Variants in SSBP2 observed in about 807,000 individuals in gnomAD.
The protein encoded by SSBP2 is single-stranded DNA-binding protein 2.
SSBP2 carries 17 observed loss-of-function variants against 61.8 expected under a neutral mutation model. The ratio of observed to expected loss-of-function variants is 0.28; its 90% CI spans 0.19 to 0.41. The LOEUF is 0.41. Among genes scored for constraint, SSBP2 ranks in the 10% least tolerant of loss-of-function variants. SSBP2 has a pLI of 1.00. For missense variants in SSBP2, 310 were observed against 458.7 expected (o/e 0.68, Z 2.96); for synonymous variants, 139 against 141.3 (o/e 0.98, Z 0.12).
chr5:81,513,217 A>C (rs1768751618), intron 5 of SSBP2, among the ~76,000 whole-genome samples: 1 of 152,104 alleles, frequency 6.6e-6, no homozygotes, highest in South Asian at 2.1e-4. Flanking sequence ...GTAATTCTTG[A>C]TAAATTAATA....
At chr5:81,693,818 C>T (rs1753394183) in intron 1 of SSBP2, among the ~76,000 whole-genome samples, 1 of 152,134 alleles carries the variant, frequency 6.6e-6, no homozygotes, top group Admixed American at 6.5e-5. Flanking sequence ...TCCAGCAATC[C>T]CATTGCTAGG....
chr5:81,574,195 T>C (rs1378391449), intron 4 of SSBP2, among the ~76,000 whole-genome samples: 2 of 151,624 alleles, frequency 1.3e-5, no homozygotes, highest in African/African-American at 4.8e-5. Flanking sequence ...ATATGACCAA[T>C]AAATTAAGCA....
chr5:81,580,103 G>A (rs1400703805), intron 4 of SSBP2, among the ~76,000 whole-genome samples: 1 of 152,062 alleles, frequency 6.6e-6, no homozygotes. Context: ...TTTCTGGTTT[G>A]AAAATGTGAA....
chr5:81,423,249 G>T (rs1404304321), intron 16 of SSBP2, among the ~76,000 whole-genome samples: 2 of 152,180 alleles, frequency 1.3e-5, no homozygotes, highest in Non-Finnish European at 2.9e-5. Context: ...ACTAGCCAGA[G>T]GTTGCTACTG....
chr5:81,713,357 T>A (rs1040601506), intron 1 of SSBP2, among the ~76,000 whole-genome samples: 1 of 151,666 alleles, frequency 6.6e-6, no homozygotes, highest in Non-Finnish European at 1.5e-5. Context: ...AGCAAAAGAC[T>A]TGGAGATTTA....
chr5:81,471,895 C>T (rs1216284724), intron 8 of SSBP2, among the ~76,000 whole-genome samples: 1 of 151,640 alleles, frequency 6.6e-6, no homozygotes, highest in Non-Finnish European at 1.5e-5. Flanking sequence ...TCAATATAGT[C>T]AATATACATA....
chr5:81,654,940 C>T (rs1431210313), intron 1 of SSBP2, among the ~76,000 whole-genome samples: 2 of 151,524 alleles, frequency 1.3e-5, no homozygotes, highest in East Asian at 3.9e-4. Context: ...AGTTTGAGAC[C>T]AGCCTGGGCA....
intron 5 of SSBP2, among the ~76,000 whole-genome samples, chr5:81,494,112 A>G (rs1767113281): frequency 6.6e-6 from 1 of 152,220 alleles, no homozygotes; most frequent in Non-Finnish European, 1.5e-5. Flanking sequence ...AATGGCGAGT[A>G]TCAATGAAAA....
chr5:81,531,615 T>C (rs1009679176), intron 4 of SSBP2, among the ~76,000 whole-genome samples: 2 of 152,054 alleles, frequency 1.3e-5, no homozygotes, highest in African/African-American at 4.8e-5. Flanking sequence ...TAGATTACAA[T>C]ATATGAAGAA....
intron 12 of SSBP2, among the ~76,000 whole-genome samples, chr5:81,445,312 C>T (rs1045317062): frequency 6.6e-6 from 1 of 150,420 alleles, no homozygotes. Context: ...ACAGGATGAA[C>T]ACATAAAAGA....
chr5:81,510,517 CT>C (rs1768513720), intron 5 of SSBP2, among the ~76,000 whole-genome samples: 1 of 152,128 alleles, frequency 6.6e-6, no homozygotes, highest in Non-Finnish European at 1.5e-5. Flanking sequence ...AATCCCAGCA[CT>C]TTGGGAGGCC....
intron 1 of SSBP2, among the ~76,000 whole-genome samples, chr5:81,702,682 T>C (rs545125346): frequency 1.1e-4 from 16 of 152,316 alleles, no homozygotes; most frequent in Non-Finnish European, 2.9e-5. Context: ...GAATCCCTAT[T>C]TCAGAGAATC....
intron 1 of SSBP2, among the ~76,000 whole-genome samples, chr5:81,655,041 T>A (rs1344460320): frequency 6.6e-6 from 1 of 151,488 alleles, no homozygotes; most frequent in East Asian, 1.9e-4. Context: ...TCCCACTGAT[T>A]TGGGAGGCTG....
chr5:81,476,233 G>A (rs758593967), intron 6 of SSBP2, among the ~76,000 whole-genome samples: 1 of 152,052 alleles, frequency 6.6e-6, no homozygotes, highest in Non-Finnish European at 1.5e-5. Flanking sequence ...AGCCTTTCAA[G>A]TCAGGAAATC....
At chr5:81,750,960 G>C (rs1321904838) in intron 1 of SSBP2, 21 bp downstream of exon 1, 1 of 1,581,504 alleles carries the variant, frequency 6.3e-7, no homozygotes. Flanking sequence ...GCGGAGGTGG[G>C]TGAGAAGCGG....
At chr5:81,535,999 G>A (rs1770773037) in intron 4 of SSBP2, among the ~76,000 whole-genome samples, 1 of 151,986 alleles carries the variant, frequency 6.6e-6, no homozygotes, top group African/African-American at 2.4e-5. Context: ...AGACATATCT[G>A]ATAAATAACT....
chr5:81,544,239 G>A (rs547774441), intron 4 of SSBP2, among the ~76,000 whole-genome samples: 420 of 152,242 alleles, frequency 2.8e-3, no homozygotes, highest in Non-Finnish European at 4.6e-3. Context: ...AGTAGAGACG[G>A]GGTTTCACCA....
At chr5:81,524,007 T>A (rs975389060) in intron 4 of SSBP2, among the ~76,000 whole-genome samples, 3 of 152,070 alleles carry the variant, frequency 2.0e-5, no homozygotes, top group African/African-American at 7.2e-5. Context: ...TTCCAATAAA[T>A]GATTTAATTC....
At chr5:81,673,294 T>C in intron 1 of SSBP2, among the ~76,000 whole-genome samples, 1 of 152,206 alleles carries the variant, frequency 6.6e-6, no homozygotes, top group East Asian at 1.9e-4. Flanking sequence ...AATCACAGCA[T>C]AATCACCAAA....
Sources: allele counts gnomAD v4.1 joint callset (sites outside exome capture counted in the v4.1 genomes callset), GRCh38; gene constraint gnomAD v4.1.1; transcripts MANE v1.5; gene names NCBI Gene and HGNC (gene_info 2026-07-23, HGNC 2026-07-21).